Variants in ACTN1 observed in about 807,000 individuals in gnomAD.
The protein encoded by ACTN1 is actinin alpha 1.
In ACTN1, 30 loss-of-function variants were observed where a neutral mutation model predicts 119.6. That is an observed-to-expected ratio of 0.25 (90% CI 0.19 to 0.34). ACTN1 has a LOEUF of 0.34. Among genes scored for constraint, ACTN1 ranks in the 10% least tolerant of loss-of-function variants. ACTN1 has a pLI of 1.00. For missense variants in ACTN1, 764 were observed against 1,223.4 expected (o/e 0.62, Z 5.60); for synonymous variants, 429 against 472.6 (o/e 0.91, Z 1.20).
chr14:68,945,925 C>T (rs190125573), intron 1 of ACTN1, among the ~76,000 whole-genome samples: 1 of 152,308 alleles, frequency 6.6e-6, no homozygotes, highest in East Asian at 1.9e-4. Context: ...CCAGTGTCAA[C>T]CCAATCAATC....
chr14:68,921,308 G>C (rs1382190316), intron 2 of ACTN1, 183 bp from the exon 3 acceptor site: 2 of 650,660 alleles, frequency 3.1e-6, no homozygotes, highest in Non-Finnish European at 4.7e-6. Flanking sequence ...CAGGGAATGA[G>C]AGGGAGAATC....
intron 7 of ACTN1, 58 bp from the exon 8 acceptor site, chr14:68,902,620 G>A (rs1354845339): frequency 2.4e-5 from 34 of 1,443,422 alleles, no homozygotes; most frequent in Non-Finnish European, 2.9e-5. Flanking sequence ...ATACACCCCC[G>A]ACGTGAGGCA....
At chr14:68,928,720 T>G (rs2077431) in intron 1 of ACTN1, among the ~76,000 whole-genome samples, 21,738 of 152,050 alleles carry the variant, frequency 0.14, 2,526 homozygotes, top group East Asian at 0.64. Context: ...AGGAGGAAGA[T>G]GACAGGACTA....
intron 1 of ACTN1, among the ~76,000 whole-genome samples, chr14:68,943,554 A>G (rs1344880428): frequency 6.6e-6 from 1 of 152,156 alleles, no homozygotes; most frequent in East Asian, 1.9e-4. Context: ...TTGAAAGGAA[A>G]GATCAGCGTT....
Position 68,902,573 on chromosome 14 carries a change from A to C in ACTN1, c.677-11T>G. On this transcript the variant is annotated splice_polypyrimidine_tract_variant and intron_variant, in intron 7 of 21. Coordinates refer to ENST00000394419, the MANE Select transcript of ACTN1 (RefSeq NM_001130004.2). ...CAGTTCCAACGATGTCTGTCAAGAA[A>C]AATCTGGAGTTAAAGCCAGCTGGTT... The C allele has an allele frequency of 6.2e-7, 1 of 1,613,048 alleles. No homozygotes were observed. Among genetic ancestry groups the C allele is most frequent in the East Asian group, 2.2e-5 (1 of 44,828 alleles).
intron 1 of ACTN1, among the ~76,000 whole-genome samples, chr14:68,941,106 T>C (rs968424576): frequency 1.3e-5 from 2 of 152,170 alleles, no homozygotes; most frequent in African/African-American, 4.8e-5. Context: ...GAGGACGAAT[T>C]ACTGCACCTC....
Position 68,892,035 on chromosome 14 carries a change from C to T in ACTN1, c.1086+18G>A. 6.2e-7 allele frequency: 1 copy of T among 1,611,360 alleles called. No homozygotes were observed. Among genetic ancestry groups the T allele is most frequent in the Non-Finnish European group, 8.5e-7 (1 of 1,179,194 alleles). ...AGGCAGTCCAGTCTGGGGGCCCAGG[C>T]TCACCCCCAGTGCTCACCGAGACCA... On this transcript the variant is annotated intron_variant, in intron 10 of 21. Transcript: ENST00000394419.
chr14:68,904,523 G>T, intron 7 of ACTN1, 132 bp downstream of exon 7: 1 of 683,530 alleles, frequency 1.5e-6, no homozygotes, highest in Non-Finnish European at 2.6e-6. Flanking sequence ...TGATCCCCAT[G>T]CTCCTCAAAT....
Position 68,909,904 on chromosome 14 carries a change from C to T in ACTN1, c.515+51G>A. The T allele has an allele frequency of 6.4e-7, 1 of 1,552,980 alleles. No homozygotes were observed. The highest frequency in any genetic ancestry group is 8.9e-7 in the Non-Finnish European group (1 of 1,127,030). ...CCCAGCCAAGGGGGTCTGGGAGCTC[C>T]CGGGGGAGGCAGCCTGGTTCTGTGA... On this transcript the variant is annotated intron_variant, in intron 5 of 21. Coordinates refer to ENST00000394419, the MANE Select transcript of ACTN1 (RefSeq NM_001130004.2). This position sits in a 1 kb window ranked among gnomAD's most constrained non-coding sequence, Gnocchi z 4.1.
rs571013425 is a variant in ACTN1 at position 68,954,085 on chromosome 14, T to G, written c.105+24867A>C. Among the ~76,000 whole-genome samples the G allele has an allele frequency of 1.4e-4, 22 of 152,340 alleles. No homozygotes were observed. The South Asian group carries it at 4.4e-3, about 30-fold the overall frequency. Reference sequence around the variant, plus strand: ...TACACTACTTACTACACTATCTTCCTTATTTACAGTACGATCAATTATAAT... The same window carrying G: ...TACACTACTTACTACACTATCTTCCGTATTTACAGTACGATCAATTATAAT... On this transcript the variant is annotated intron_variant, in intron 1 of 21. Transcript: ENST00000394419.
chr14:68,965,653 C>A (rs1035857695), intron 1 of ACTN1, among the ~76,000 whole-genome samples: 2 of 152,226 alleles, frequency 1.3e-5, no homozygotes, highest in African/African-American at 2.4e-5. Context: ...CCTCCCCAGG[C>A]ACCTGGCCTC....
At chr14:68,978,343 A>G in intron 1 of ACTN1, 1 of 387,210 alleles carries the variant, frequency 2.6e-6, no homozygotes, top group Non-Finnish European at 5.2e-6. Flanking sequence ...CCCGCGGGGG[A>G]GCCCGCGTAC....
chr14:68,925,498 G>A lies in ACTN1; in HGVS notation c.220+60C>T. 2 of 1,414,244 alleles carry A rather than the reference G, an allele frequency of 1.4e-6. No homozygotes were observed. Among genetic ancestry groups the A allele is most frequent in the Non-Finnish European group, 2.0e-6 (2 of 1,022,268 alleles). The allele number at this position is 1,414,244 out of a possible 1,614,324, so 87.6% of individuals were successfully genotyped here. A position where few individuals can be genotyped will look rare whatever the true frequency, so the allele number is the denominator to read the frequency against. On this transcript the variant is annotated intron_variant, in intron 2 of 21. Coordinates refer to ENST00000394419, the MANE Select transcript of ACTN1 (RefSeq NM_001130004.2). The surrounding 1 kb of genome is among the most constrained non-coding windows in gnomAD (Gnocchi z 4.3). ...AGCTGCGCTCATAGGCAGAGCAGAT[G>A]CCAAGGTGTCAGGCAGCACCAATAG... is the stretch of plus-strand genomic sequence containing the variant.
chr14:68,909,229 T>G lies in ACTN1; in HGVS notation c.594+89A>C. 1 of 1,304,024 alleles carries G rather than the reference T, an allele frequency of 7.7e-7. No homozygotes were observed. Among genetic ancestry groups the G allele is most frequent in the Non-Finnish European group, 1.1e-6 (1 of 906,004 alleles). The allele number at this position is 1,304,024 out of a possible 1,614,324, so 80.8% of individuals were successfully genotyped here. Reference sequence around the variant, plus strand: ...GGCCAACACTGCTCAGGCTGGACCATGGACTGTCACAACAAGGGTCCTAGT... The same window carrying G: ...GGCCAACACTGCTCAGGCTGGACCAGGGACTGTCACAACAAGGGTCCTAGT... On this transcript the variant is annotated intron_variant, in intron 6 of 21. Coordinates refer to ENST00000394419, the MANE Select transcript of ACTN1 (RefSeq NM_001130004.2). The surrounding 1 kb of genome is among the most constrained non-coding windows in gnomAD (Gnocchi z 4.1).
At chr14:68,976,037 C>T (rs186220935) in intron 1 of ACTN1, among the ~76,000 whole-genome samples, 2 of 152,330 alleles carry the variant, frequency 1.3e-5, no homozygotes, top group East Asian at 1.9e-4. Context: ...GCCACAAGAA[C>T]GGGAACTTGG....
In ACTN1 at chr14:68,880,501, G is replaced by A. The variant is rs896018153; in HGVS notation, c.2133+309C>T. Among the ~76,000 whole-genome samples the A allele has an allele frequency of 6.6e-6, 1 of 152,048 alleles. No individual in the cohort carries two copies. Among genetic ancestry groups the A allele is most frequent in the African/African-American group, 2.4e-5 (1 of 41,366 alleles). On this transcript the variant is annotated intron_variant, in intron 17 of 21. Transcript: ENST00000394419. This position sits in a 1 kb window ranked among gnomAD's most constrained non-coding sequence, Gnocchi z 4.6. ...CACTCTTGCACAGTTAAAACAAGTA[G>A]CCATTTTCAAAGCAGATGCCTGAGC...
At chr14:68,912,342 C>A in intron 3 of ACTN1, 100 bp from the exon 4 acceptor site, 1 of 907,566 alleles carries the variant, frequency 1.1e-6, no homozygotes, top group South Asian at 1.4e-5. Context: ...CGCTAGGAAT[C>A]AAAAGACTCC....
intron 1 of ACTN1, among the ~76,000 whole-genome samples, chr14:68,930,038 C>T (rs939203663): frequency 1.3e-5 from 2 of 152,242 alleles, no homozygotes; most frequent in Non-Finnish European, 2.9e-5. Flanking sequence ...CTCACAGACT[C>T]CGCTAACCTC....
intron 1 of ACTN1, among the ~76,000 whole-genome samples, chr14:68,962,086 C>T (rs990754228): frequency 6.6e-6 from 1 of 152,234 alleles, no homozygotes; most frequent in African/African-American, 2.4e-5. Context: ...CTCTGCAACA[C>T]AGCCAAGGTT....
Sources: gnomAD v4.1 joint callset for allele counts (sites outside exome capture counted in the v4.1 genomes callset) on GRCh38, gnomAD v4.1.1 for gene constraint, Gnocchi (gnomAD v3.1) non-coding constraint, MANE v1.5 for transcripts, NCBI Gene and HGNC (gene_info 2026-07-23, HGNC 2026-07-21) for gene names.